The following PTPN3 variants were observed in gnomAD, a reference collection of about 807,000 sequenced individuals.
The protein encoded by PTPN3 is protein tyrosine phosphatase non-receptor type 3.
Under a neutral mutation model 132.7 loss-of-function variants are expected in PTPN3, and 96 were observed. The observed-to-expected ratio is 0.72, with a 90% CI of 0.61 to 0.86. The LOEUF is 0.86. Among genes scored for constraint, PTPN3 ranks in the 40% least tolerant of loss-of-function variants. The pLI, the probability that PTPN3 is intolerant of heterozygous loss-of-function variation, is 0.00. For synonymous variants in PTPN3, 398 were observed against 429.0 expected (o/e 0.93, Z 0.89); for missense variants, 1,125 against 1,159.6 (o/e 0.97, Z 0.43).
intron 1 of PTPN3, among the ~76,000 whole-genome samples, chr9:109,470,060 A>G (rs1356851684): frequency 6.7e-6 from 1 of 149,468 alleles, no homozygotes; most frequent in Admixed American, 6.6e-5. Context: ...TTTTCCTTTT[A>G]GCTATTTCTG....
At chr9:109,473,911 C>CT (rs11295310) in intron 1 of PTPN3, among the ~76,000 whole-genome samples, 94 of 145,636 alleles carry the variant, frequency 6.5e-4, no homozygotes, top group East Asian at 1.5e-3. Flanking sequence ...GTTAGAAGTT[C>CT]TTTTTTTTTT....
chr9:109,453,669 A>G (rs1417333441), intron 5 of PTPN3, among the ~76,000 whole-genome samples: 1 of 152,170 alleles, frequency 6.6e-6, no homozygotes, highest in African/African-American at 2.4e-5. Flanking sequence ...AGCTGAATCC[A>G]GCCTGCTCTC....
chr9:109,465,706 C>CAAAAAAA lies in PTPN3; in HGVS notation c.-17-2262_-17-2256dup, dbSNP rs34634972. 1.5e-3 allele frequency among the ~76,000 whole-genome samples: 99 copies of CAAAAAAA among 64,618 alleles called. 1 individual carries two copies. The highest frequency in any genetic ancestry group is 3.3e-3 in the African/African-American group (51 of 15,580). 42.4% of individuals were successfully genotyped at this position (64,618 alleles called of 152,430 possible). A position where few individuals can be genotyped will look rare whatever the true frequency, so the allele number is the denominator to read the frequency against. ...GGGCAAAAAGAACAAAACTCTGTCT[C>CAAAAAAA]AAAAAAAAAAAAAAAAAAAAAAAGA... On this transcript the variant is annotated intron_variant, in intron 1 of 25. Transcript: ENST00000374541.
chr9:109,416,339 C>T (rs1032827989), intron 14 of PTPN3, among the ~76,000 whole-genome samples: 8 of 152,102 alleles, frequency 5.3e-5, no homozygotes, highest in Non-Finnish European at 7.3e-5. Flanking sequence ...CTCCATTGCT[C>T]GCAGGGCTCT....
At chr9:109,407,917 CA>C (rs1419841864) in intron 17 of PTPN3, among the ~76,000 whole-genome samples, 1 of 152,178 alleles carries the variant, frequency 6.6e-6, no homozygotes, top group Non-Finnish European at 1.5e-5. Context: ...ACACAGATGA[CA>C]AAAGGGGCAC....
intron 7 of PTPN3, among the ~76,000 whole-genome samples, chr9:109,443,882 T>C (rs1267669343): frequency 3.3e-5 from 5 of 152,158 alleles, no homozygotes; most frequent in African/African-American, 1.2e-4. Context: ...AATAGGGTCA[T>C]CTTTGATGTC....
At chr9:109,428,567 A>G (rs1843442279) in intron 11 of PTPN3, 54 bp downstream of exon 11, 6 of 1,567,740 alleles carry the variant, frequency 3.8e-6, no homozygotes, top group Non-Finnish European at 5.2e-6. Flanking sequence ...CCCTGTCTCT[A>G]ACCACACACA....
chr9:109,436,759 C>T, intron 9 of PTPN3, 124 bp downstream of exon 9: 1 of 1,366,338 alleles, frequency 7.3e-7, no homozygotes. Context: ...ATAAACCTTC[C>T]AAATATCTTT....
intron 2 of PTPN3, among the ~76,000 whole-genome samples, chr9:109,461,092 C>A (rs1845825322): frequency 6.6e-6 from 1 of 152,166 alleles, no homozygotes; most frequent in Non-Finnish European, 1.5e-5. Context: ...CTTCATGGAG[C>A]TTGTGTAATC....
At chr9:109,403,686 C>T (rs543854667) in intron 19 of PTPN3, among the ~76,000 whole-genome samples, 3 of 151,952 alleles carry the variant, frequency 2.0e-5, no homozygotes, top group Admixed American at 6.6e-5. Context: ...TTTTAAACAA[C>T]GACAACAACA....
intron 1 of PTPN3, among the ~76,000 whole-genome samples, chr9:109,471,965 CT>C (rs2132074938): frequency 6.6e-6 from 1 of 152,262 alleles, no homozygotes; most frequent in East Asian, 1.9e-4. Context: ...GGTGGGCATC[CT>C]TATGTCAGTT....
At chr9:109,417,277 T>C (rs1313875982) in intron 14 of PTPN3, among the ~76,000 whole-genome samples, 1 of 152,262 alleles carries the variant, frequency 6.6e-6, no homozygotes, top group Non-Finnish European at 1.5e-5. Flanking sequence ...TCAGGCAGCC[T>C]GAGCTGCGCC....
chr9:109,435,118 T>A (rs974422610), intron 9 of PTPN3, among the ~76,000 whole-genome samples: 2 of 152,024 alleles, frequency 1.3e-5, no homozygotes, highest in African/African-American at 4.8e-5. Flanking sequence ...GCAAAGGAAA[T>A]CAAAATTGAG....
At chr9:109,460,307 G>C (rs998866697) in intron 2 of PTPN3, among the ~76,000 whole-genome samples, 1 of 151,984 alleles carries the variant, frequency 6.6e-6, no homozygotes, top group Admixed American at 6.6e-5. Context: ...TTTCCTCTTA[G>C]CCAGCCCCAC....
At chr9:109,515,023 C>G in the PTPN3 span, among the ~76,000 whole-genome samples, 3 of 151,700 alleles carry the variant, frequency 2.0e-5, no homozygotes, top group Non-Finnish European at 1.5e-5. Context: ...CTGGCAGATA[C>G]AAGAGGTTTT....
chr9:109,532,327 G>A, the PTPN3 span, among the ~76,000 whole-genome samples: 1 of 152,162 alleles, frequency 6.6e-6, no homozygotes, highest in African/African-American at 2.4e-5. Flanking sequence ...ACTTCAGGAA[G>A]TATGGAACAG....
chr9:109,409,331 G>C (rs1841883567), intron 16 of PTPN3, among the ~76,000 whole-genome samples: 2 of 152,176 alleles, frequency 1.3e-5, no homozygotes, highest in Admixed American at 6.5e-5. Context: ...TAGCATTCCT[G>C]AAGTGGGTAG....
At chr9:109,489,798 T>C (rs1847374331) in intron 1 of PTPN3, among the ~76,000 whole-genome samples, 1 of 152,010 alleles carries the variant, frequency 6.6e-6, no homozygotes, top group African/African-American at 2.4e-5. Flanking sequence ...GCAGGCTCAC[T>C]ATCTTCTCAG....
At chr9:109,448,202 C>A (rs1844988749) in intron 6 of PTPN3, among the ~76,000 whole-genome samples, 1 of 152,120 alleles carries the variant, frequency 6.6e-6, no homozygotes, top group South Asian at 2.1e-4. Context: ...CTCTGAAGAC[C>A]CTCCTCTCCA....
Sources: allele counts gnomAD v4.1 joint callset (sites outside exome capture counted in the v4.1 genomes callset), GRCh38; gene constraint gnomAD v4.1.1; transcripts MANE v1.5; gene names NCBI Gene and HGNC (gene_info 2026-07-23, HGNC 2026-07-21).